The following PRKCH variants were observed in gnomAD, a reference collection of about 807,000 sequenced individuals.
PRKCH encodes protein kinase C eta.
In PRKCH, 28 loss-of-function variants were observed where a neutral mutation model predicts 82.5. That is an observed-to-expected ratio of 0.34 (90% CI 0.25 to 0.47). PRKCH has a LOEUF of 0.47. Among genes scored for constraint, PRKCH ranks in the 20% least tolerant of loss-of-function variants. The pLI, the probability that PRKCH is intolerant of heterozygous loss-of-function variation, is 1.00. For synonymous variants in PRKCH, 322 were observed against 327.4 expected (o/e 0.98, Z 0.18); for missense variants, 705 against 881.8 (o/e 0.80, Z 2.54).
intron 12 of PRKCH, among the ~76,000 whole-genome samples, chr14:61,535,058 T>C (rs1257105171): frequency 6.6e-6 from 1 of 152,244 alleles, no homozygotes; most frequent in Non-Finnish European, 1.5e-5. Flanking sequence ...AAGGAAATTG[T>C]ATTTTTGTTT....
In PRKCH at chr14:61,517,004, G is replaced by C. The variant is rs1361446540; in HGVS notation, c.1434-12071G>C. Among the ~76,000 whole-genome samples the C allele has an allele frequency of 2.6e-5, 4 of 152,142 alleles. No individual in the cohort carries two copies. The East Asian group carries it at 7.7e-4, about 29-fold the overall frequency. ...TGTGTTTTTCAGAGGTTTGTGTTTA[G>C]ATGGCTCAGGTTTAATCTCTAATGG... On this transcript the variant is annotated intron_variant, in intron 10 of 13. Coordinates refer to ENST00000332981, the MANE Select transcript of PRKCH (RefSeq NM_006255.5).
chr14:61,399,392 A>G (rs1474865346), intron 2 of PRKCH, among the ~76,000 whole-genome samples: 3 of 152,216 alleles, frequency 2.0e-5, no homozygotes, highest in Non-Finnish European at 2.9e-5. Context: ...TTAAAGCTGG[A>G]GGGTTTTTTA....
intron 2 of PRKCH, among the ~76,000 whole-genome samples, chr14:61,411,530 C>G (rs1882270238): frequency 6.6e-6 from 1 of 152,216 alleles, no homozygotes; most frequent in Admixed American, 6.5e-5. Context: ...TTGTAAGACA[C>G]TGGATACATC....
At chr14:61,485,346 G>A (rs538684974) in intron 9 of PRKCH, among the ~76,000 whole-genome samples, 156 bp from the exon 10 acceptor site, 2 of 152,002 alleles carry the variant, frequency 1.3e-5, no homozygotes, top group Non-Finnish European at 2.9e-5. Context: ...CCACCAGACC[G>A]GTTGCACTGC....
intron 6 of PRKCH, among the ~76,000 whole-genome samples, chr14:61,452,491 G>C (rs1450573319): frequency 1.3e-5 from 2 of 152,176 alleles, no homozygotes; most frequent in Admixed American, 6.5e-5. Context: ...TATTCCAGCT[G>C]ATAACGCCTC....
At chr14:61,427,517 C>A (rs1883170823) in intron 2 of PRKCH, among the ~76,000 whole-genome samples, 1 of 152,066 alleles carries the variant, frequency 6.6e-6, no homozygotes, top group East Asian at 1.9e-4. Context: ...AGATGCTTTG[C>A]AGGGTCATTT....
intron 12 of PRKCH, chr14:61,544,813 A>G (rs2043232931): frequency 6.6e-6 from 1 of 152,234 alleles, no homozygotes; most frequent in African/African-American, 2.4e-5. Flanking sequence ...CCACTGCCCC[A>G]TCAGGCAGCC....
chr14:61,432,922 AGT>A (rs1491459081), intron 2 of PRKCH, among the ~76,000 whole-genome samples: 3 of 2,380 alleles, frequency 1.3e-3, no homozygotes, highest in African/African-American at 1.6e-3. Context: ...ATAAAAAAAA[AGT>A]GGGGGGGATA....
At chr14:61,536,166 G>A (rs1400033876) in intron 12 of PRKCH, among the ~76,000 whole-genome samples, 2 of 115,914 alleles carry the variant, frequency 1.7e-5, no homozygotes, top group African/African-American at 5.4e-5. Context: ...TGGCCTGGGA[G>A]TCTATGTCAC....
intron 9 of PRKCH, among the ~76,000 whole-genome samples, chr14:61,478,344 C>T (rs964220274): frequency 4.1e-4 from 62 of 152,108 alleles, no homozygotes; most frequent in African/African-American, 1.1e-3. Context: ...GCCCAGGTGT[C>T]GCCACTGCCC....
intron 1 of PRKCH, among the ~76,000 whole-genome samples, chr14:61,255,168 C>T (rs1174650149): frequency 2.0e-5 from 3 of 152,236 alleles, no homozygotes; most frequent in African/African-American, 4.8e-5. Flanking sequence ...TGTCCTCTAA[C>T]CTCTTAGCAG....
In PRKCH at chr14:61,391,283, C is replaced by T. The variant is rs1306466741; in HGVS notation, c.422C>T (p.Thr141Ile). The change falls in exon 2 of 14, where the codon ACT (threonine) becomes ATT (isoleucine). Residue 141 changes from threonine (T) to isoleucine (I), a missense_variant. Around this residue, in one of 5 missense-constraint regions of PRKCH, gnomAD observed 246 missense variants for 308.0 expected, o/e 0.80. Coordinates refer to ENST00000332981, the MANE Select transcript of PRKCH (RefSeq NM_006255.5). ...FVVITLTGSF[T>I]EATLQRDRIF... Reference sequence around the variant, plus strand: ...GTAATAACCCTTACCGGGAGTTTCACTGAAGGTAAGAATGAGTTTTGGGTA... The same window carrying T: ...GTAATAACCCTTACCGGGAGTTTCATTGAAGGTAAGAATGAGTTTTGGGTA... 2 of 1,608,484 alleles carry T rather than the reference C, an allele frequency of 1.2e-6. No individual in the cohort carries two copies. Among genetic ancestry groups the T allele is most frequent in the East Asian group, 2.2e-5 (1 of 44,602 alleles).
At chr14:61,338,825 T>C (rs1161692719) in intron 1 of PRKCH, among the ~76,000 whole-genome samples, 4 of 152,196 alleles carry the variant, frequency 2.6e-5, no homozygotes, top group East Asian at 3.9e-4. Context: ...GGGTGTTGAC[T>C]CCTTCTGTTG....
At chr14:61,331,555 CT>C (rs1374818486) in intron 1 of PRKCH, among the ~76,000 whole-genome samples, 1 of 152,146 alleles carries the variant, frequency 6.6e-6, no homozygotes, top group African/African-American at 2.4e-5. Flanking sequence ...AAAAAAACCC[CT>C]CTTTTTATTT....
intron 1 of PRKCH, among the ~76,000 whole-genome samples, chr14:61,243,887 G>A (rs1180840152): frequency 1.3e-5 from 2 of 151,792 alleles, no homozygotes; most frequent in Non-Finnish European, 2.9e-5. Context: ...AAGGTGGGAG[G>A]TTTGCCTGAG....
At chr14:61,391,755 A>G (rs1309752609) in intron 2 of PRKCH, among the ~76,000 whole-genome samples, 3 of 152,180 alleles carry the variant, frequency 2.0e-5, no homozygotes, top group African/African-American at 7.2e-5. Flanking sequence ...TCCCCCATCC[A>G]ATATTTTTTT....
At chr14:61,264,979 A>G (rs921955277) in intron 1 of PRKCH, among the ~76,000 whole-genome samples, 2 of 152,190 alleles carry the variant, frequency 1.3e-5, no homozygotes, top group African/African-American at 4.8e-5. Flanking sequence ...TAAGATCACT[A>G]GAGCCACCCA....
At chr14:61,251,316 A>AT (rs1265512625) in intron 1 of PRKCH, among the ~76,000 whole-genome samples, 1 of 151,904 alleles carries the variant, frequency 6.6e-6, no homozygotes, top group Non-Finnish European at 1.5e-5. Flanking sequence ...CTTTCTAATT[A>AT]TTTTTTGTAC....
chr14:61,241,158 T>C (rs1470430892), intron 1 of PRKCH, among the ~76,000 whole-genome samples: 2 of 152,186 alleles, frequency 1.3e-5, no homozygotes, highest in African/African-American at 4.8e-5. Flanking sequence ...CTTACTTACA[T>C]TTACTGGTTT....
Sources: gnomAD v4.1 joint callset for allele counts (sites outside exome capture counted in the v4.1 genomes callset) on GRCh38, gnomAD v4.1.1 for gene constraint, gnomAD v4.1.1 regional missense constraint, MANE v1.5 for transcripts, NCBI Gene and HGNC (gene_info 2026-07-23, HGNC 2026-07-21) for gene names.